Variants in DYNC1I1 observed in about 807,000 individuals in gnomAD.
DYNC1I1 encodes the protein cytoplasmic dynein 1 intermediate chain 1.
Under a neutral mutation model 86.6 loss-of-function variants are expected in DYNC1I1, and 43 were observed. That is an observed-to-expected ratio of 0.50 (90% CI 0.39 to 0.64). The LOEUF (loss-of-function observed/expected upper bound fraction) is 0.64. Among genes scored for constraint, DYNC1I1 ranks in the 30% least tolerant of loss-of-function variants. The pLI is 0.00. For synonymous variants in DYNC1I1, 262 were observed against 283.7 expected, an observed-to-expected ratio of 0.92 and a Z score of 0.77; for missense variants, 604 against 788.8, an observed-to-expected ratio of 0.77 and a Z score of 2.81.
intron 10 of DYNC1I1, among the ~76,000 whole-genome samples, chr7:95,998,876 G>A (rs938486739): frequency 6.6e-6 from 1 of 152,156 alleles, no homozygotes; most frequent in African/African-American, 2.4e-5. Context: ...ATGGTGTTTT[G>A]TAAAGACTGA....
intron 6 of DYNC1I1, among the ~76,000 whole-genome samples, chr7:95,949,202 A>C (rs1792486923): frequency 6.6e-6 from 1 of 152,202 alleles, no homozygotes; most frequent in South Asian, 2.1e-4. Flanking sequence ...GGGCAAGGTT[A>C]AAGACTTTGT....
intron 1 of DYNC1I1, among the ~76,000 whole-genome samples, chr7:95,775,452 A>G (rs920959227): frequency 1.3e-5 from 2 of 152,176 alleles, no homozygotes; most frequent in African/African-American, 4.8e-5. Flanking sequence ...CTCTCCAAAG[A>G]CTCTAAAACT....
intron 6 of DYNC1I1, among the ~76,000 whole-genome samples, chr7:95,934,661 C>T (rs1791991218): frequency 6.6e-6 from 1 of 152,052 alleles, no homozygotes; most frequent in Non-Finnish European, 1.5e-5. Context: ...TTAAGTTCAC[C>T]TGGTTAACTG....
chr7:95,799,981 T>C (rs1794539386), intron 1 of DYNC1I1, among the ~76,000 whole-genome samples: 1 of 150,912 alleles, frequency 6.6e-6, no homozygotes. Flanking sequence ...GAGAAACAAC[T>C]TTTCTTGGGT....
At chr7:96,003,300 C>T (rs1350185298) in intron 10 of DYNC1I1, among the ~76,000 whole-genome samples, 1 of 152,204 alleles carries the variant, frequency 6.6e-6, no homozygotes, top group African/African-American at 2.4e-5. Context: ...CATAAATGAA[C>T]CCTCTTGTAC....
intron 5 of DYNC1I1, among the ~76,000 whole-genome samples, chr7:95,840,064 T>G (rs1257732067): frequency 9.5e-6 from 1 of 105,688 alleles, no homozygotes; most frequent in African/African-American, 4.7e-5. Flanking sequence ...ATCTTTGGGA[T>G]TATCTTATAT....
chr7:95,988,449 G>A (rs1793650939), intron 9 of DYNC1I1, among the ~76,000 whole-genome samples: 1 of 152,172 alleles, frequency 6.6e-6, no homozygotes, highest in South Asian at 2.1e-4. Flanking sequence ...CATCAGTGTG[G>A]CATTCAGAGT....
intron 16 of DYNC1I1, among the ~76,000 whole-genome samples, chr7:96,082,959 CTA>C (rs1221249035): frequency 6.6e-6 from 1 of 152,168 alleles, no homozygotes; most frequent in East Asian, 1.9e-4. Context: ...ATATTACAGA[CTA>C]TAGAAATGTC....
chr7:96,080,214 G>A (rs1023906719), intron 15 of DYNC1I1, 149 bp from the exon 16 acceptor site: 15 of 965,582 alleles, frequency 1.6e-5, no homozygotes, highest in African/African-American at 1.7e-5. Context: ...AGAACAATGA[G>A]CCCTTTTTCC....
intron 5 of DYNC1I1, among the ~76,000 whole-genome samples, chr7:95,832,700 T>G (rs1029730167): frequency 3.3e-5 from 5 of 152,100 alleles, no homozygotes; most frequent in African/African-American, 9.7e-5. Flanking sequence ...GGTTTTGATT[T>G]GCATTTCTCT....
chr7:96,108,251 G>A (rs1445122396), intron 16 of DYNC1I1, among the ~76,000 whole-genome samples: 1 of 152,036 alleles, frequency 6.6e-6, no homozygotes, highest in Non-Finnish European at 1.5e-5. Flanking sequence ...TTGAGTGTAT[G>A]TTTACTGTCC....
chr7:95,989,071 A>T (rs975098093), intron 9 of DYNC1I1, among the ~76,000 whole-genome samples: 11 of 152,346 alleles, frequency 7.2e-5, no homozygotes, highest in Admixed American at 5.9e-4. Context: ...GATATGGGGC[A>T]GATAGCAAGT....
At chr7:96,097,345 A>G (rs1791044883) in intron 16 of DYNC1I1, 138 bp from the exon 17 acceptor site, 1 of 918,934 alleles carries the variant, frequency 1.1e-6, no homozygotes, top group Non-Finnish European at 1.6e-6. Context: ...CCAAAGAAGA[A>G]TGTTTGATTT....
At chr7:95,883,000 T>G (rs1790495411) in intron 6 of DYNC1I1, among the ~76,000 whole-genome samples, 1 of 152,206 alleles carries the variant, frequency 6.6e-6, no homozygotes, top group East Asian at 1.9e-4. Flanking sequence ...CTTCTGGCTT[T>G]TGGAAAATTG....
intron 10 of DYNC1I1, among the ~76,000 whole-genome samples, chr7:96,026,102 C>G (rs1380271768): frequency 6.6e-6 from 1 of 152,066 alleles, no homozygotes; most frequent in East Asian, 1.9e-4. Context: ...AAGAAGCCGA[C>G]CAGCATTATT....
chr7:95,778,229 G>T (rs574847091), intron 1 of DYNC1I1, among the ~76,000 whole-genome samples: 48 of 152,272 alleles, frequency 3.2e-4, no homozygotes, highest in Non-Finnish European at 5.0e-4. Context: ...GGAAAAAGGG[G>T]CCCCGAATAA....
chr7:96,107,204 AT>A (rs1791229742), intron 16 of DYNC1I1, among the ~76,000 whole-genome samples: 1 of 151,810 alleles, frequency 6.6e-6, no homozygotes. Context: ...TATTTGTATT[AT>A]TTTTAGTAGA....
At chr7:96,002,345 A>G (rs1471579675) in intron 10 of DYNC1I1, among the ~76,000 whole-genome samples, 1 of 152,194 alleles carries the variant, frequency 6.6e-6, no homozygotes, top group African/African-American at 2.4e-5. Context: ...CTATTTAACC[A>G]TTTGTTTTCT....
At chr7:95,892,347 T>C (rs962425496) in intron 6 of DYNC1I1, among the ~76,000 whole-genome samples, 4 of 151,790 alleles carry the variant, frequency 2.6e-5, no homozygotes, top group African/African-American at 9.7e-5. Context: ...TCTTGCTCTG[T>C]CGCCCAGGCG....
Sources: gnomAD v4.1 joint callset for allele counts (sites outside exome capture counted in the v4.1 genomes callset) on GRCh38, gnomAD v4.1.1 for gene constraint, MANE v1.5 for transcripts, NCBI Gene and HGNC (gene_info 2026-07-23, HGNC 2026-07-21) for gene names.